GP6: variants seen among roughly 807,000 people sequenced by gnomAD.
The protein encoded by GP6 is glycoprotein VI platelet.
In GP6, 45 loss-of-function variants were observed where a neutral mutation model predicts 37.3. The ratio of observed to expected loss-of-function variants is 1.21; its 90% confidence interval spans 0.95 to 1.55. GP6 has a LOEUF of 1.55. Among genes scored for constraint, GP6 ranks in the 40% most tolerant of loss-of-function variants. GP6 has a pLI of 0.00. For missense variants in GP6, 813 were observed against 760.2 expected (o/e 1.07, Z -0.82); for synonymous variants, 340 against 316.4 (o/e 1.07, Z -0.79).
At chr19:55,035,391 AT>A (rs1226780094) in intron 1 of GP6, among the ~76,000 whole-genome samples, 2 of 152,144 alleles carry the variant, frequency 1.3e-5, no homozygotes, top group African/African-American at 4.8e-5. Flanking sequence ...ATAACAACAT[AT>A]TGTACACTTG....
At position 55,018,693 on chromosome 19, in the gene GP6, G is replaced by C; in HGVS notation, c.683C>G (p.Ala228Gly). 6.2e-7 allele frequency: 1 copy of C among 1,609,306 alleles called. No individual in the cohort carries two copies. Among genetic ancestry groups the C allele is most frequent in the Non-Finnish European group, 8.5e-7 (1 of 1,175,532 alleles). ...GTTTGTGAATGAGACGGTCAGTTCA[G>C]CGGTGGCTTCTGAGAATTCTAAGAA... The change falls in exon 6 of 8, where the codon GCT becomes GGT. Residue 228 changes from alanine to glycine, a missense_variant. Physicochemically the swap from Ala to Gly is moderately conservative, Grantham distance 60 (BLOSUM62 0). Coordinates refer to ENST00000310373, the MANE Select transcript of GP6 (RefSeq NM_001083899.2).
At position 55,014,898 on chromosome 19, in the gene GP6, C is replaced by T. The variant is rs557292489; in HGVS notation, c.1047G>A (p.Ser349=). Residue 349 remains serine, a synonymous_variant, in exon 8 of 8, where the codon TCG becomes TCA. Transcript: ENST00000310373. ...CATGCCATGATCCCTCCCTTGGATA[C>T]GACCGTGCCTGGGGTTCAGCGGTCA... 21 of 1,613,666 alleles carry T rather than the reference C, an allele frequency of 1.3e-5. No individual in the cohort carries two copies. The highest frequency in any genetic ancestry group is 9.3e-5 in the African/African-American group (7 of 74,984).
At chr19:55,016,101 C>T (rs2073863328) in intron 6 of GP6, among the ~76,000 whole-genome samples, 1 of 151,562 alleles carries the variant, frequency 6.6e-6, no homozygotes, top group African/African-American at 2.4e-5. Context: ...AGGATTGTAC[C>T]ACTGCACTCT....
Position 55,032,293 on chromosome 19 carries a change from G to C in GP6, c.171C>G (p.Tyr57Ter), listed in dbSNP as rs995736633. Residue 57 changes from tyrosine (Y) to a stop codon, truncating the protein, a stop_gained, in exon 3 of 8, where the codon TAC becomes TAG. Transcript: ENST00000310373. LOFTEE classifies it high-confidence loss of function. Reference sequence around the variant, plus strand: ...TGCTGGAACTCAGCTTCTCCAGGCGGTACAGGTCCACGCCCGGAGGTCCCT... The same window carrying C: ...TGCTGGAACTCAGCTTCTCCAGGCGCTACAGGTCCACGCCCGGAGGTCCCT... The C allele has an allele frequency of 6.2e-7, 1 of 1,614,106 alleles. No individual in the cohort carries two copies. Among genetic ancestry groups the C allele is most frequent in the Admixed American group, 1.7e-5 (1 of 60,024 alleles).
At chr19:55,018,988 G>T (rs887893077) in intron 5 of GP6, among the ~76,000 whole-genome samples, 1 of 152,086 alleles carries the variant, frequency 6.6e-6, no homozygotes, top group Non-Finnish European at 1.5e-5. Context: ...ACAGGTTTTT[G>T]TGTGAACATA....
intron 6 of GP6, among the ~76,000 whole-genome samples, chr19:55,016,188 GAACCCC>G (rs2073867374): frequency 6.6e-6 from 1 of 151,320 alleles, no homozygotes; most frequent in Non-Finnish European, 1.5e-5. Context: ...CTCCAGATTT[GAACCCC>G]AACTCTATCA....
At chr19:55,032,609 G>A in intron 1 of GP6, 71 bp from the exon 2 acceptor site, 5 of 1,500,510 alleles carry the variant, frequency 3.3e-6, no homozygotes, top group South Asian at 2.3e-5. Context: ...TGGGCGCGGT[G>A]ATAAGACATT....
chr19:55,030,306 A>G (rs1299170771), intron 3 of GP6, among the ~76,000 whole-genome samples: 2 of 151,944 alleles, frequency 1.3e-5, no homozygotes, highest in Non-Finnish European at 2.9e-5. Context: ...CTGTGAATAC[A>G]GCGAGTGTAC....
Position 55,025,212 on chromosome 19 carries a change from A to G in GP6, c.664+6T>C. 6.6e-7 allele frequency: 1 copy of G among 1,523,430 alleles called. No homozygotes were observed. The highest frequency in any genetic ancestry group is 1.2e-5 in the South Asian group (1 of 83,520). 94.4% of individuals were successfully genotyped at this position (1,523,430 alleles called of 1,614,324 possible). The stretch of plus-strand genomic sequence containing the variant: ...TGTGCACCAGAATGGACCCTGCAGA[A>G]CCTACCTGCTACCGGGGAAGGTGGT... On this transcript the variant is annotated splice_donor_region_variant and intron_variant, in intron 5 of 7. Transcript: ENST00000310373.
chr19:55,021,220 C>T lies in GP6; in HGVS notation c.665-2509G>A, dbSNP rs184047464. ...CTAAAAGAAAAAAAAAAAAAAAAGC[C>T]AGGCATGGTGGCAGGCGCCTGTAGT... On this transcript the variant is annotated intron_variant, in intron 5 of 7. Coordinates refer to ENST00000310373, the MANE Select transcript of GP6 (RefSeq NM_001083899.2). Among the ~76,000 whole-genome samples, 650 of 140,714 alleles carry T rather than the reference C, an allele frequency of 4.6e-3. 5 individuals carry two copies. The highest frequency in any genetic ancestry group is 0.016 in the African/African-American group (618 of 39,090). 92.3% of individuals were successfully genotyped at this position (140,714 alleles called of 152,430 possible).
At chr19:55,016,375 C>CTTT (rs35960763) in intron 6 of GP6, among the ~76,000 whole-genome samples, 7 of 108,752 alleles carry the variant, frequency 6.4e-5, no homozygotes, top group Non-Finnish European at 9.1e-5. Flanking sequence ...TACGTGCCAG[C>CTTT]TTTTTTTTTT....
intron 1 of GP6, 112 bp downstream of exon 1, chr19:55,038,091 A>C (rs1430016282): frequency 2.3e-6 from 2 of 864,308 alleles, no homozygotes; most frequent in Non-Finnish European, 3.8e-6. Flanking sequence ...GGGCTCTTAC[A>C]GGTTCCTTTT....
chr19:55,026,614 G>A (rs2146809206), intron 4 of GP6, among the ~76,000 whole-genome samples: 1 of 152,276 alleles, frequency 6.6e-6, no homozygotes, highest in East Asian at 1.9e-4. Context: ...AGTCAAGTCC[G>A]ACGCGGTGGC....
intron 3 of GP6, among the ~76,000 whole-genome samples, chr19:55,031,049 T>C (rs1470452435): frequency 6.6e-6 from 1 of 151,974 alleles, no homozygotes; most frequent in Non-Finnish European, 1.5e-5. Flanking sequence ...GGTCTCACTA[T>C]GTTGCCCAGG....
chr19:55,030,522 T>C (rs940064975), intron 3 of GP6, among the ~76,000 whole-genome samples: 3 of 151,960 alleles, frequency 2.0e-5, no homozygotes, highest in African/African-American at 7.2e-5. Context: ...TTATTTTTTT[T>C]AGTAGAGACG....
chr19:55,028,748 C>T (rs1242497643), intron 3 of GP6, among the ~76,000 whole-genome samples: 1 of 152,200 alleles, frequency 6.6e-6, no homozygotes, highest in African/African-American at 2.4e-5. Context: ...ATTCCAGGGT[C>T]TCCGCTCCTA....
At chr19:55,024,341 C>CACAT (rs1172787604) in intron 5 of GP6, among the ~76,000 whole-genome samples, 1 of 17,422 alleles carries the variant, frequency 5.7e-5, no homozygotes, top group African/African-American at 1.0e-4. Flanking sequence ...CACGCACACA[C>CACAT]GCACATGCAC....
chr19:55,038,201 A>AC lies in GP6; in HGVS notation c.34+1dup. The stretch of plus-strand genomic sequence containing the variant: ...TTCCCAGATCTGACCCTCAGGACTC[A>AC]CCAAGACAGAAGAGGGCGGTCGGGG... On this transcript the variant is annotated splice_donor_variant, in intron 1 of 7. Transcript: ENST00000310373. LOFTEE classifies it high-confidence loss of function. The AC allele has an allele frequency of 6.3e-7, 1 of 1,590,936 alleles. No homozygotes were observed. The highest frequency in any genetic ancestry group is 8.6e-7 in the Non-Finnish European group (1 of 1,167,108).
In GP6 at chr19:55,029,333, TATATATATATATATATATATA is replaced by T. The variant is rs2074437046; in HGVS notation, c.326-1492_326-1472del. ...GCAATGGCATATATATATATATATATATATATATATATATATATATATATATATATATATATATATATTTTT... is the reference window on the plus strand; with the variant it reads ...GCAATGGCATATATATATATATATATTATATATATATATATATATATTTTT... On this transcript the variant is annotated intron_variant, in intron 3 of 7. Transcript: ENST00000310373. Among the ~76,000 whole-genome samples, 3 of 13,908 alleles carry T rather than the reference TATATATATATATATATATATA, an allele frequency of 2.2e-4. 1 individual carries two copies. Among genetic ancestry groups the T allele is most frequent in the Non-Finnish European group, 9.0e-5 (1 of 11,114 alleles). 9.1% of individuals were successfully genotyped at this position (13,908 alleles called of 152,430 possible). A position where few individuals can be genotyped will look rare whatever the true frequency, so the allele number is the denominator to read the frequency against.
Sources: gnomAD v4.1 joint callset for allele counts (sites outside exome capture counted in the v4.1 genomes callset) on GRCh38, gnomAD v4.1.1 for gene constraint, MANE v1.5 for transcripts, NCBI Gene and HGNC (gene_info 2026-07-23, HGNC 2026-07-21) for gene names.